Variants in MAST4 observed in about 807,000 individuals in gnomAD.
MAST4 encodes microtubule associated serine/threonine kinase family member 4, also known as microtubule-associated serine/threonine-protein kinase 4.
A neutral mutation model predicts 162.7 loss-of-function variants in MAST4; 89 were observed. That is an observed-to-expected ratio of 0.55 (90% CI 0.46 to 0.65). The LOEUF is 0.65. Among genes scored for constraint, MAST4 ranks in the 30% least tolerant of loss-of-function variants. The probability of loss-of-function intolerance (pLI) is 0.00; values close to 1 mark genes in which losing one functional copy is unlikely to be tolerated. For missense variants in MAST4, 3,153 were observed against 3,374.0 expected (o/e 0.93, Z 1.62); for synonymous variants, 1,479 against 1,361.1 (o/e 1.09, Z -1.91).
intron 2 of MAST4, among the ~76,000 whole-genome samples, chr5:66,760,479 T>C (rs1384052673): frequency 6.6e-6 from 1 of 152,202 alleles, no homozygotes; most frequent in African/African-American, 2.4e-5. Context: ...GTTTAACTAC[T>C]GCCGTGATCA....
At chr5:66,714,501 A>G (rs1444531996) in intron 1 of MAST4, among the ~76,000 whole-genome samples, 2 of 152,148 alleles carry the variant, frequency 1.3e-5, no homozygotes, top group Non-Finnish European at 2.9e-5. Flanking sequence ...GCCTGGATGA[A>G]TCCTGCAGCA....
intron 14 of MAST4, among the ~76,000 whole-genome samples, chr5:67,123,506 A>G (rs547595337): frequency 5.9e-5 from 9 of 152,236 alleles, no homozygotes; most frequent in East Asian, 5.8e-4. Context: ...GAGCCCTTGT[A>G]TGGTAGTTGA....
intron 6 of MAST4, chr5:67,094,118 TA>T: frequency 7.2e-7 from 1 of 1,384,160 alleles, no homozygotes; most frequent in Admixed American, 2.0e-5. Flanking sequence ...TTCTTTTTTT[TA>T]ACATACTTGA....
chr5:67,165,341 G>T lies in MAST4; in HGVS notation c.6162G>T (p.Pro2054=). The T allele has an allele frequency of 6.2e-7, 1 of 1,613,618 alleles. No individual in the cohort carries two copies. Among genetic ancestry groups the T allele is most frequent in the Non-Finnish European group, 8.5e-7 (1 of 1,179,886 alleles). The stretch of plus-strand genomic sequence containing the variant: ...ATGGCCCAGGTGAGGCGAGGCCCCC[G>T]CCCAGAGACAACTCCTCTCTGCACT... ...HKDGPGEARP[P]PRDNSSLHSA... Residue 2054 remains proline (P), a synonymous_variant, in exon 29 of 29, where the codon CCG becomes CCT. Coordinates refer to ENST00000403625, the MANE Select transcript of MAST4 (RefSeq NM_001164664.2).
At chr5:66,829,161 C>T (rs1049342057) in intron 3 of MAST4, among the ~76,000 whole-genome samples, 2 of 151,472 alleles carry the variant, frequency 1.3e-5, no homozygotes, top group Non-Finnish European at 2.9e-5. Context: ...TTGTGGCTGG[C>T]AGTGACAGCT....
At chr5:66,803,583 C>T (rs969004240) in intron 3 of MAST4, among the ~76,000 whole-genome samples, 1 of 152,094 alleles carries the variant, frequency 6.6e-6, no homozygotes, top group African/African-American at 2.4e-5. Context: ...AGAATTTGTA[C>T]ATCCTTTGTT....
chr5:66,892,831 T>C (rs1185212375), intron 3 of MAST4, among the ~76,000 whole-genome samples: 3 of 152,202 alleles, frequency 2.0e-5, no homozygotes, highest in African/African-American at 7.2e-5. Context: ...GCAACTCTGG[T>C]CAATTGCTGA....
At chr5:66,789,177 C>T (rs1755266487) in intron 3 of MAST4, among the ~76,000 whole-genome samples, 1 of 152,090 alleles carries the variant, frequency 6.6e-6, no homozygotes. Flanking sequence ...AATTTCCTTT[C>T]TCTTTGTCTA....
intron 1 of MAST4, among the ~76,000 whole-genome samples, chr5:66,708,009 A>G (rs1275350261): frequency 6.6e-6 from 1 of 152,214 alleles, no homozygotes; most frequent in African/African-American, 2.4e-5. Context: ...TTTACACGTC[A>G]ACTCTGGTCC....
At chr5:67,033,213 A>G (rs1417707326) in intron 4 of MAST4, among the ~76,000 whole-genome samples, 1 of 151,516 alleles carries the variant, frequency 6.6e-6, no homozygotes, top group African/African-American at 2.4e-5. Context: ...TGCTGACTTG[A>G]TAACACTTTT....
chr5:67,161,766 CAT>C (rs1773207529), intron 27 of MAST4, among the ~76,000 whole-genome samples: 3 of 152,226 alleles, frequency 2.0e-5, no homozygotes, highest in Non-Finnish European at 4.4e-5. Flanking sequence ...ATTACACACA[CAT>C]AAGATCTTCT....
At chr5:66,622,983 T>A (rs1337805736) in intron 1 of MAST4, 1 of 152,318 alleles carries the variant, frequency 6.6e-6, no homozygotes, top group Non-Finnish European at 1.5e-5. Context: ...GCTCATAGCC[T>A]TCAGTCTGTT....
chr5:67,131,632 A>AT (rs901584082), intron 15 of MAST4, among the ~76,000 whole-genome samples, 181 bp from the exon 16 acceptor site: 1 of 152,234 alleles, frequency 6.6e-6, no homozygotes, highest in Non-Finnish European at 1.5e-5. Flanking sequence ...AAAAATCTGT[A>AT]TTTTCTCCAT....
chr5:66,965,472 C>T (rs1345140731), intron 4 of MAST4, among the ~76,000 whole-genome samples: 2 of 150,072 alleles, frequency 1.3e-5, no homozygotes, highest in Non-Finnish European at 3.0e-5. Context: ...TAAGGTAGTG[C>T]AGAGGAGGAT....
At chr5:66,700,700 AC>A (rs368645932) in intron 1 of MAST4, among the ~76,000 whole-genome samples, 1 of 151,840 alleles carries the variant, frequency 6.6e-6, no homozygotes, top group Non-Finnish European at 1.5e-5. Context: ...AACAAAAAAA[AC>A]AAAAACAAAA....
chr5:67,098,038 A>T (rs1764645987), intron 7 of MAST4, among the ~76,000 whole-genome samples: 1 of 152,140 alleles, frequency 6.6e-6, no homozygotes, highest in Admixed American at 6.5e-5. Flanking sequence ...TCCCTGGGTT[A>T]ACTGTTAGTC....
chr5:67,124,573 A>C (rs1767984506), intron 14 of MAST4, among the ~76,000 whole-genome samples: 1 of 152,214 alleles, frequency 6.6e-6, no homozygotes, highest in Non-Finnish European at 1.5e-5. Context: ...TAAAAACCCA[A>C]GAACAGAAAA....
intron 1 of MAST4, among the ~76,000 whole-genome samples, chr5:66,674,395 G>A (rs1266473728): frequency 6.6e-6 from 1 of 152,144 alleles, no homozygotes; most frequent in Non-Finnish European, 1.5e-5. Context: ...AAAGCACAAG[G>A]ATACATGACT....
intron 12 of MAST4, among the ~76,000 whole-genome samples, chr5:67,117,070 ATTGTT>A (rs1581620031): frequency 6.6e-6 from 1 of 152,196 alleles, no homozygotes; most frequent in African/African-American, 2.4e-5. Context: ...TATTTATAGA[ATTGTT>A]TTGAGGATTC....
Sources: gnomAD v4.1 joint callset for allele counts (sites outside exome capture counted in the v4.1 genomes callset) on GRCh38, gnomAD v4.1.1 for gene constraint, MANE v1.5 for transcripts, NCBI Gene and HGNC (gene_info 2026-07-23, HGNC 2026-07-21) for gene names.